SPIDR: variants seen among roughly 807,000 people sequenced by gnomAD.
The protein encoded by SPIDR is DNA repair-scaffolding protein.
SPIDR carries 93 observed loss-of-function variants against 104.6 expected under a neutral mutation model. The observed-to-expected ratio is 0.89, with a 90% CI of 0.75 to 1.06. The LOEUF is 1.06. Ranked by LOEUF, SPIDR falls within the 50% of genes least tolerant of loss-of-function variation. The pLI is 0.00. For missense variants in SPIDR, 1,154 were observed against 1,111.2 expected, an observed-to-expected ratio of 1.04 and a Z score of -0.55; for synonymous variants, 431 against 416.9, an observed-to-expected ratio of 1.03 and a Z score of -0.41.
intron 10 of SPIDR, among the ~76,000 whole-genome samples, chr8:47,640,454 C>A (rs746123471): frequency 9.2e-5 from 14 of 152,110 alleles, no homozygotes; most frequent in Non-Finnish European, 1.6e-4. Context: ...GTCCCACAGT[C>A]CTAAAATTTC....
chr8:47,728,525 C>T (rs527822582), intron 17 of SPIDR, among the ~76,000 whole-genome samples: 60 of 152,222 alleles, frequency 3.9e-4, no homozygotes, highest in Admixed American at 1.1e-3. Context: ...TTACACAAGC[C>T]ATCACTGGAC....
At chr8:47,703,103 T>C (rs975407828) in intron 14 of SPIDR, among the ~76,000 whole-genome samples, 15 of 152,200 alleles carry the variant, frequency 9.9e-5, no homozygotes, top group African/African-American at 3.6e-4. Context: ...TGAAGTATGC[T>C]AAAGCACACC....
chr8:47,428,922 G>A (rs1329954402), intron 7 of SPIDR, among the ~76,000 whole-genome samples: 1 of 152,146 alleles, frequency 6.6e-6, no homozygotes, highest in African/African-American at 2.4e-5. Context: ...AAACCACAAA[G>A]CCAACTAGTG....
chr8:47,615,351 A>G (rs1180684889), intron 10 of SPIDR, among the ~76,000 whole-genome samples: 1 of 152,122 alleles, frequency 6.6e-6, no homozygotes, highest in Non-Finnish European at 1.5e-5. Flanking sequence ...TTGTTCAAGA[A>G]TGTTACAGTT....
At chr8:47,298,093 G>A (rs1554574111) in intron 5 of SPIDR, among the ~76,000 whole-genome samples, 3 of 152,258 alleles carry the variant, frequency 2.0e-5, no homozygotes, top group South Asian at 2.1e-4. Flanking sequence ...AAGTGTTCCT[G>A]TTTCTCCACA....
intron 10 of SPIDR, 66 bp from the exon 11 acceptor site, chr8:47,673,735 G>A: frequency 6.2e-7 from 1 of 1,607,420 alleles, no homozygotes; most frequent in Non-Finnish European, 8.5e-7. Flanking sequence ...GAAGAAGAGG[G>A]AAATCTTGAT....
chr8:47,646,216 T>G (rs1412212815), intron 10 of SPIDR, among the ~76,000 whole-genome samples: 1 of 152,210 alleles, frequency 6.6e-6, no homozygotes, highest in East Asian at 1.9e-4. Flanking sequence ...ATAACACTAT[T>G]ATTTTTCCCC....
chr8:47,547,290 G>T, intron 8 of SPIDR: 1 of 582,728 alleles, frequency 1.7e-6, no homozygotes. Flanking sequence ...TGTCATAGAT[G>T]AGACGAAAAT....
chr8:47,406,686 T>G (rs547682876), intron 6 of SPIDR, among the ~76,000 whole-genome samples: 2 of 152,184 alleles, frequency 1.3e-5, no homozygotes, highest in Non-Finnish European at 2.9e-5. Context: ...AGGCTGCAAG[T>G]GAAAAACATA....
At chr8:47,424,882 C>T (rs1056424581) in intron 7 of SPIDR, among the ~76,000 whole-genome samples, 3 of 152,282 alleles carry the variant, frequency 2.0e-5, no homozygotes, top group African/African-American at 7.2e-5. Flanking sequence ...AGGCGCCTGC[C>T]ACCACCCCTG....
chr8:47,673,381 C>T (rs1195988908), intron 10 of SPIDR: 9 of 456,456 alleles, frequency 2.0e-5, no homozygotes, highest in Non-Finnish European at 4.0e-5. Flanking sequence ...TTCTCAGTAT[C>T]GAGCATCCAC....
In SPIDR at chr8:47,267,129, A is replaced by G. The variant is rs1420518755; in HGVS notation, c.33+6138A>G. ...ACTGCATTTGAAAAATCCATTTATT[A>G]GTTGATAGACATTTGGATTATTTCC... On this transcript the variant is annotated intron_variant, in intron 1 of 19. Coordinates refer to ENST00000297423, the MANE Select transcript of SPIDR (RefSeq NM_001080394.4). Among the ~76,000 whole-genome samples the G allele has an allele frequency of 2.6e-5, 4 of 152,134 alleles. No individual in the cohort carries two copies. In the East Asian group the frequency reaches 7.7e-4, roughly 29 times the overall value.
At chr8:47,524,945 A>C (rs553716447) in intron 8 of SPIDR, among the ~76,000 whole-genome samples, 2 of 152,284 alleles carry the variant, frequency 1.3e-5, no homozygotes, top group African/African-American at 4.8e-5. Context: ...TCTTTTACAG[A>C]AGGAAGCTTT....
At chr8:47,504,128 T>C (rs2081057184) in intron 8 of SPIDR, among the ~76,000 whole-genome samples, 1 of 152,208 alleles carries the variant, frequency 6.6e-6, no homozygotes, top group East Asian at 1.9e-4. Flanking sequence ...GTTGCTCTTC[T>C]CGAGGAGTGT....
At chr8:47,558,777 C>G (rs908072657) in intron 8 of SPIDR, among the ~76,000 whole-genome samples, 69 of 152,072 alleles carry the variant, frequency 4.5e-4, no homozygotes, top group African/African-American at 1.6e-3. Context: ...GTAGCTCGGA[C>G]TACAGGCGCC....
rs1262608988 is a variant in SPIDR, at chr8:47,535,539, A to G, written c.1098-60272A>G. Among the ~76,000 whole-genome samples, 6 of 152,222 alleles carry G rather than the reference A, an allele frequency of 3.9e-5. No individual in the cohort carries two copies. In the East Asian group the frequency reaches 7.7e-4, roughly 20 times the overall value. ...TGTTGACAAATCAAATCTAACACAT[A>G]TAAAAAGAATTATCTACCCTGACCA... is the stretch of plus-strand genomic sequence containing the variant. On this transcript the variant is annotated intron_variant, in intron 8 of 19. Coordinates refer to ENST00000297423, the MANE Select transcript of SPIDR (RefSeq NM_001080394.4).
At chr8:47,422,330 C>A (rs1005186886) in intron 7 of SPIDR, among the ~76,000 whole-genome samples, 1 of 152,312 alleles carries the variant, frequency 6.6e-6, no homozygotes, top group Admixed American at 6.5e-5. Flanking sequence ...CCCCCAGCCT[C>A]ACTGCCCCCT....
At chr8:47,396,107 C>T (rs2061217820) in intron 5 of SPIDR, among the ~76,000 whole-genome samples, 1 of 152,070 alleles carries the variant, frequency 6.6e-6, no homozygotes, top group African/African-American at 2.4e-5. Flanking sequence ...CTTGTAGTTT[C>T]CTGAAAGAAG....
intron 5 of SPIDR, among the ~76,000 whole-genome samples, chr8:47,321,799 C>T (rs1211613185): frequency 6.6e-6 from 1 of 152,148 alleles, no homozygotes; most frequent in Non-Finnish European, 1.5e-5. Flanking sequence ...CACATATCTA[C>T]AACCATCTGA....
Sources: gnomAD v4.1 joint callset for allele counts (sites outside exome capture counted in the v4.1 genomes callset) on GRCh38, gnomAD v4.1.1 for gene constraint, MANE v1.5 for transcripts, NCBI Gene and HGNC (gene_info 2026-07-23, HGNC 2026-07-21) for gene names.